Variants in HHAT observed in about 807,000 individuals in gnomAD.
HHAT encodes the protein protein-cysteine N-palmitoyltransferase HHAT.
HHAT carries 47 observed loss-of-function variants against 70.8 expected under a neutral mutation model. That is an observed-to-expected ratio of 0.66 (90% CI 0.53 to 0.85). The LOEUF is 0.85. HHAT is among the 40% of genes least tolerant of loss of function. The pLI is 0.00. For synonymous variants in HHAT, 228 were observed against 247.6 expected, an observed-to-expected ratio of 0.92 and a Z score of 0.74; for missense variants, 609 against 604.8, an observed-to-expected ratio of 1.01 and a Z score of -0.07.
intron 1 of HHAT, among the ~76,000 whole-genome samples, chr1:210,339,089 T>G (rs1332160097): frequency 6.6e-6 from 1 of 152,108 alleles, no homozygotes; most frequent in African/African-American, 2.4e-5. Flanking sequence ...GGAACAGAGT[T>G]TCTCTGCCTT....
intron 8 of HHAT, among the ~76,000 whole-genome samples, chr1:210,465,427 A>G (rs1177322725): frequency 6.6e-6 from 1 of 152,194 alleles, no homozygotes; most frequent in Non-Finnish European, 1.5e-5. Flanking sequence ...TTGAGTTTGC[A>G]ATTGAAAACC....
At chr1:210,598,326 G>T (rs1663479975) in intron 10 of HHAT, among the ~76,000 whole-genome samples, 1 of 152,020 alleles carries the variant, frequency 6.6e-6, no homozygotes, top group African/African-American at 2.4e-5. Context: ...CACTCCCTTG[G>T]ATGCTCTGGC....
chr1:210,442,854 A>G (rs1190679577), intron 7 of HHAT, among the ~76,000 whole-genome samples: 1 of 152,096 alleles, frequency 6.6e-6, no homozygotes, highest in Non-Finnish European at 1.5e-5. Flanking sequence ...TGTTTAGTTT[A>G]ATTAGATCCC....
chr1:210,411,317 A>G (rs2092545702), intron 6 of HHAT, among the ~76,000 whole-genome samples: 1 of 152,176 alleles, frequency 6.6e-6, no homozygotes, highest in African/African-American at 2.4e-5. Flanking sequence ...AGCTTTGGGT[A>G]GGTTATGCTG....
At chr1:210,495,947 GT>G (rs1558023634) in intron 8 of HHAT, among the ~76,000 whole-genome samples, 5 of 137,954 alleles carry the variant, frequency 3.6e-5, no homozygotes, top group Non-Finnish European at 7.5e-5. Context: ...GGAGGCAGAG[GT>G]TGCAGTGAAC....
intron 2 of HHAT, among the ~76,000 whole-genome samples, chr1:210,360,121 A>G (rs755717068): frequency 3.3e-5 from 5 of 152,212 alleles, no homozygotes; most frequent in Non-Finnish European, 5.9e-5. Context: ...TCCTGTATCA[A>G]CTACATTCTG....
At chr1:210,358,205 C>T (rs2087859725) in intron 2 of HHAT, among the ~76,000 whole-genome samples, 1 of 152,216 alleles carries the variant, frequency 6.6e-6, no homozygotes, top group Admixed American at 6.5e-5. Flanking sequence ...ATGGCTTACT[C>T]TTGGCTTGAG....
At chr1:210,453,323 T>C (rs1008624039) in intron 7 of HHAT, among the ~76,000 whole-genome samples, 4 of 152,226 alleles carry the variant, frequency 2.6e-5, no homozygotes, top group African/African-American at 9.6e-5. Flanking sequence ...TAATGCAGTG[T>C]AAACCTAAAG....
intron 11 of HHAT, among the ~76,000 whole-genome samples, chr1:210,641,164 G>A (rs1672902787): frequency 1.3e-5 from 2 of 152,182 alleles, no homozygotes; most frequent in African/African-American, 4.8e-5. Context: ...GTGTTTTCGG[G>A]AAGAATTGAA....
chr1:210,654,814 C>G (rs532964905), intron 11 of HHAT, among the ~76,000 whole-genome samples: 12 of 152,334 alleles, frequency 7.9e-5, no homozygotes, highest in African/African-American at 2.6e-4. Context: ...TAGGTCAGTA[C>G]TCCTCCCAAG....
chr1:210,448,101 A>G (rs2093671470), intron 7 of HHAT, among the ~76,000 whole-genome samples: 1 of 136,932 alleles, frequency 7.3e-6, no homozygotes, highest in African/African-American at 2.8e-5. Flanking sequence ...TTTTTTTGAG[A>G]TGAAGTCTCG....
chr1:210,620,495 T>C (rs1668615806), intron 10 of HHAT, among the ~76,000 whole-genome samples: 1 of 152,200 alleles, frequency 6.6e-6, no homozygotes, highest in Non-Finnish European at 1.5e-5. Flanking sequence ...CTGTAGCCCA[T>C]CATTCTTTTT....
chr1:210,400,254 C>T (rs2091998440), intron 4 of HHAT, among the ~76,000 whole-genome samples: 1 of 152,096 alleles, frequency 6.6e-6, no homozygotes, highest in African/African-American at 2.4e-5. Context: ...TGATGGGACT[C>T]TGGGGGTTAA....
At chr1:210,394,229 CTTTTTTTTTT>C (rs59554789) in intron 4 of HHAT, among the ~76,000 whole-genome samples, 3 of 116,330 alleles carry the variant, frequency 2.6e-5, no homozygotes, top group East Asian at 4.2e-4. Context: ...CATGATCTAT[CTTTTTTTTTT>C]TTTTTTTTTT....
chr1:210,494,559 T>TTTTTTTTTTTTTTTTTTTTTTG, intron 8 of HHAT, among the ~76,000 whole-genome samples: 1 of 126,424 alleles, frequency 7.9e-6, no homozygotes, highest in Non-Finnish European at 1.8e-5. Flanking sequence ...TTTTTTTTTT[T>TTTTTTTTTTTTTTTTTTTTTTG]TTTTTTTTTT....
intron 9 of HHAT, among the ~76,000 whole-genome samples, chr1:210,517,671 T>G (rs35543407): frequency 6.6e-6 from 1 of 151,904 alleles, no homozygotes; most frequent in African/African-American, 2.4e-5. Context: ...TCTTGAAAAT[T>G]GCTAAGACAG....
At chr1:210,552,201 A>G (rs933663136) in intron 9 of HHAT, among the ~76,000 whole-genome samples, 11 of 152,238 alleles carry the variant, frequency 7.2e-5, no homozygotes, top group Admixed American at 4.6e-4. Context: ...GCAGGAATAC[A>G]TTTTGAGAAA....
intron 1 of HHAT, among the ~76,000 whole-genome samples, chr1:210,342,276 G>C (rs1418596137): frequency 6.6e-6 from 1 of 152,134 alleles, no homozygotes; most frequent in African/African-American, 2.4e-5. Context: ...GCAAGCCTGA[G>C]GTTTCTGCAG....
chr1:210,404,584 A>G lies in HHAT; in HGVS notation c.589A>G (p.Thr197Ala). 1 of 1,613,530 alleles carries G rather than the reference A, an allele frequency of 6.2e-7. No individual in the cohort carries two copies. Among genetic ancestry groups the G allele is most frequent in the Non-Finnish European group, 8.5e-7 (1 of 1,179,896 alleles). ...LCWQQLPAAS[T>A]SYSFPWMLAY... ...CTGGCAGCAGCTGCCTGCTGCATCG[A>G]CCTCCTACTCCTTTCCCTGGATGCT... Residue 197 changes from threonine (T) to alanine (A), a missense_variant, in exon 6 of 12, where the codon ACC (threonine) becomes GCC (alanine). Transcript: ENST00000261458.
Sources: gnomAD v4.1 joint callset for allele counts (sites outside exome capture counted in the v4.1 genomes callset) on GRCh38, gnomAD v4.1.1 for gene constraint, MANE v1.5 for transcripts, NCBI Gene and HGNC (gene_info 2026-07-23, HGNC 2026-07-21) for gene names.